Variants in OR2L13 observed in about 807,000 individuals in gnomAD.
OR2L13 encodes the protein olfactory receptor 2L13.
A neutral mutation model predicts 15.3 loss-of-function variants in OR2L13; 14 were observed. The observed-to-expected ratio is 0.91, with a 90% CI of 0.60 to 1.43. OR2L13 has a LOEUF of 1.43. Ranked by LOEUF, OR2L13 falls within the 40% of genes most tolerant of loss-of-function variation. The pLI is 0.00. For synonymous variants in OR2L13, 152 were observed against 142.9 expected (o/e 1.06, Z -0.45); for missense variants, 367 against 387.9 (o/e 0.95, Z 0.45).
the OR2L13 span, among the ~76,000 whole-genome samples, chr1:247,956,586 T>C: frequency 2.0e-5 from 3 of 151,554 alleles, no homozygotes; most frequent in Non-Finnish European, 4.4e-5. Flanking sequence ...GCATGGAATG[T>C]TCTTCCATTT....
chr1:247,940,731 C>CAT, the OR2L13 span, among the ~76,000 whole-genome samples: 9 of 147,076 alleles, frequency 6.1e-5, no homozygotes, highest in Admixed American at 3.4e-4. Flanking sequence ...TGCATACGTG[C>CAT]GTGTGTGTGT....
At chr1:247,954,532 G>C in the OR2L13 span, among the ~76,000 whole-genome samples, 2 of 151,638 alleles carry the variant, frequency 1.3e-5, no homozygotes, top group Admixed American at 6.6e-5. Flanking sequence ...CTTTTCATAG[G>C]GTTTTCTAGT....
chr1:247,944,919 GATCT>G, the OR2L13 span, among the ~76,000 whole-genome samples: 9 of 151,850 alleles, frequency 5.9e-5, no homozygotes, highest in South Asian at 2.1e-4. Context: ...TCTTGCTAAT[GATCT>G]ATCTATTTTA....
chr1:247,990,513 G>T, the OR2L13 span: 1 of 1,575,262 alleles, frequency 6.3e-7, no homozygotes, highest in Non-Finnish European at 8.7e-7. Context: ...GATGGTTTAT[G>T]ATTTTTCTGT....
chr1:247,966,002 T>C, the OR2L13 span: 4,257 of 1,612,962 alleles, frequency 2.6e-3, 12 homozygotes, highest in Middle Eastern at 0.013. Context: ...ATCTTGCTAC[T>C]ACCATTCCTA....
At chr1:247,974,504 T>C in the OR2L13 span, among the ~76,000 whole-genome samples, 1 of 152,202 alleles carries the variant, frequency 6.6e-6, no homozygotes, top group Non-Finnish European at 1.5e-5. Context: ...TGTATTTTTA[T>C]AATTGTTCTA....
the OR2L13 span, among the ~76,000 whole-genome samples, chr1:248,049,497 A>G: frequency 6.6e-6 from 1 of 152,164 alleles, no homozygotes; most frequent in East Asian, 1.9e-4. Flanking sequence ...CCAGTAGGGA[A>G]TCTTTTACAT....
chr1:248,005,831 A>T, the OR2L13 span, among the ~76,000 whole-genome samples: 1 of 152,176 alleles, frequency 6.6e-6, no homozygotes, highest in African/African-American at 2.4e-5. Flanking sequence ...AAGCCTGTGG[A>T]TATTTGTTTT....
chr1:247,994,894 A>G, the OR2L13 span, among the ~76,000 whole-genome samples: 6 of 152,310 alleles, frequency 3.9e-5, no homozygotes, highest in East Asian at 1.2e-3. Flanking sequence ...AATAAAATCA[A>G]CACTCAATCA....
chr1:248,083,524 T>C, the OR2L13 span: 2 of 811,190 alleles, frequency 2.5e-6, no homozygotes, highest in Non-Finnish European at 4.1e-6. Flanking sequence ...AATATCTTAT[T>C]ATATCAATGC....
the OR2L13 span, among the ~76,000 whole-genome samples, chr1:248,067,107 A>C: frequency 1.3e-5 from 2 of 152,242 alleles, no homozygotes; most frequent in African/African-American, 2.4e-5. Flanking sequence ...CACAAGTTAG[A>C]GTTAATTTCC....
the OR2L13 span, among the ~76,000 whole-genome samples, chr1:248,034,915 C>T: frequency 6.6e-6 from 1 of 152,168 alleles, no homozygotes; most frequent in Non-Finnish European, 1.5e-5. Flanking sequence ...TGCAATTTTG[C>T]TTATTGTGTT....
At chr1:248,085,416 A>T in the OR2L13 span, among the ~76,000 whole-genome samples, 3 of 27,920 alleles carry the variant, frequency 1.1e-4, no homozygotes, top group African/African-American at 4.9e-4. Context: ...AATAAAATAA[A>T]ATAATAAAAT....
chr1:247,994,427 G>A, the OR2L13 span, among the ~76,000 whole-genome samples: 2 of 152,172 alleles, frequency 1.3e-5, no homozygotes, highest in Admixed American at 1.3e-4. Flanking sequence ...AACTGGGAGT[G>A]ATTATGTTAC....
chr1:248,016,957 C>G, the OR2L13 span, among the ~76,000 whole-genome samples: 1 of 152,088 alleles, frequency 6.6e-6, no homozygotes, highest in Non-Finnish European at 1.5e-5. Flanking sequence ...TGGAAGAAAT[C>G]CTGACATATT....
the OR2L13 span, among the ~76,000 whole-genome samples, chr1:247,972,463 C>A: frequency 6.6e-6 from 1 of 152,158 alleles, no homozygotes; most frequent in Admixed American, 6.5e-5. Context: ...AATACAAACT[C>A]GCATCAGAGA....
the OR2L13 span, among the ~76,000 whole-genome samples, chr1:248,073,217 C>G: frequency 9.9e-5 from 15 of 151,344 alleles, no homozygotes; most frequent in East Asian, 7.8e-4. Flanking sequence ...CAAAGACTTG[C>G]AACCAACCCA....
At chr1:248,017,115 G>T in the OR2L13 span, among the ~76,000 whole-genome samples, 1 of 151,910 alleles carries the variant, frequency 6.6e-6, no homozygotes, top group African/African-American at 2.4e-5. Flanking sequence ...TTCATCTTTT[G>T]TATGACATCA....
At chr1:247,981,368 T>C in the OR2L13 span, among the ~76,000 whole-genome samples, 1 of 152,138 alleles carries the variant, frequency 6.6e-6, no homozygotes, top group East Asian at 1.9e-4. Flanking sequence ...AAAGCAATAA[T>C]ATATATTTTT....
Sources: allele counts gnomAD v4.1 joint callset (sites outside exome capture counted in the v4.1 genomes callset), GRCh38; gene constraint gnomAD v4.1.1; transcripts MANE v1.5; gene names NCBI Gene and HGNC (gene_info 2026-07-23, HGNC 2026-07-21).